The following THSD7B variants were observed in gnomAD, a reference collection of about 807,000 sequenced individuals.
THSD7B encodes the protein thrombospondin type 1 domain containing 7B.
A neutral mutation model predicts 213.6 loss-of-function variants in THSD7B; 138 were observed. The ratio of observed to expected loss-of-function variants is 0.65; its 90% confidence interval spans 0.56 to 0.74. The LOEUF (loss-of-function observed/expected upper bound fraction) is 0.74. THSD7B is among the 30% of genes least tolerant of loss of function. The probability of loss-of-function intolerance (pLI) is 0.00; values close to 1 mark genes in which losing one functional copy is unlikely to be tolerated. For synonymous variants in THSD7B, 742 were observed against 687.0 expected (o/e 1.08, Z -1.25); for missense variants, 1,931 against 1,991.5 (o/e 0.97, Z 0.58).
chr2:137,029,605 T>A (rs1686625388), intron 2 of THSD7B, among the ~76,000 whole-genome samples: 1 of 152,174 alleles, frequency 6.6e-6, no homozygotes, highest in Non-Finnish European at 1.5e-5. Context: ...ATTAATTCTC[T>A]TTGCCAACTA....
rs1318041586 is a variant in THSD7B, at chr2:137,591,377, T to C, written c.3423+18821T>C. On this transcript the variant is annotated intron_variant, in intron 17 of 27. Transcript: ENST00000409968. Reference sequence around the variant, plus strand: ...CTCTGACCTTAAATTTCACATGTAGTATTCTCATTTTCATTATGTCTACAA... The same window carrying C: ...CTCTGACCTTAAATTTCACATGTAGCATTCTCATTTTCATTATGTCTACAA... Among the ~76,000 whole-genome samples, 3 of 151,962 alleles carry C rather than the reference T, an allele frequency of 2.0e-5. No individual in the cohort carries two copies. In the South Asian group the frequency reaches 6.2e-4, roughly 32 times the overall value.
chr2:136,776,020 G>A (rs182150287), intron 1 of THSD7B, among the ~76,000 whole-genome samples: 1 of 152,238 alleles, frequency 6.6e-6, no homozygotes, highest in East Asian at 1.9e-4. Flanking sequence ...TGAAATATAT[G>A]TACTATGGTT....
At chr2:137,186,491 C>T (rs1361828378) in intron 7 of THSD7B, among the ~76,000 whole-genome samples, 4 of 151,952 alleles carry the variant, frequency 2.6e-5, no homozygotes, top group Non-Finnish European at 5.9e-5. Context: ...GAGTCCTTTC[C>T]TTATTGCTTT....
chr2:137,317,585 C>T lies in THSD7B; in HGVS notation c.2500+41559C>T, dbSNP rs747563470. 9.9e-5 allele frequency among the ~76,000 whole-genome samples: 15 copies of T among 152,120 alleles called. 1 individual carries two copies. The highest frequency in any genetic ancestry group is 1.8e-4 in the Non-Finnish European group (12 of 68,030). The stretch of plus-strand genomic sequence containing the variant: ...TCAACATAAACCAGTTTTACTAACT[C>T]ACAAAACGTGGGCTTTAAAAAGTAT... On this transcript the variant is annotated intron_variant, in intron 12 of 27. Coordinates refer to ENST00000409968, the MANE Select transcript of THSD7B (RefSeq NM_001316349.2).
intron 15 of THSD7B, among the ~76,000 whole-genome samples, chr2:137,471,595 A>T (rs1688096691): frequency 6.6e-6 from 1 of 151,986 alleles, no homozygotes. Flanking sequence ...CCTACTCCTC[A>T]GGTCTAGGGG....
At chr2:136,911,652 A>G (rs1684259798) in intron 2 of THSD7B, among the ~76,000 whole-genome samples, 1 of 152,240 alleles carries the variant, frequency 6.6e-6, no homozygotes, top group South Asian at 2.1e-4. Flanking sequence ...TGCCTGCTGT[A>G]TAGCAAGATT....
At chr2:137,299,178 G>C (rs1014930004) in intron 12 of THSD7B, among the ~76,000 whole-genome samples, 1 of 152,092 alleles carries the variant, frequency 6.6e-6, no homozygotes, top group Non-Finnish European at 1.5e-5. Context: ...AAGTCATTTT[G>C]GAGCTTTAAA....
chr2:137,593,331 A>T (rs1681900729), intron 17 of THSD7B, among the ~76,000 whole-genome samples: 1 of 151,972 alleles, frequency 6.6e-6, no homozygotes, highest in Non-Finnish European at 1.5e-5. Context: ...ATTAATTATT[A>T]GAAATTTTCA....
intron 5 of THSD7B, among the ~76,000 whole-genome samples, chr2:137,133,377 T>C (rs1048373615): frequency 3.9e-5 from 6 of 152,202 alleles, no homozygotes; most frequent in African/African-American, 1.2e-4. Context: ...TAAACTTCTT[T>C]ATTCAATAAA....
At chr2:137,252,927 T>TC (rs1481673508) in intron 10 of THSD7B, among the ~76,000 whole-genome samples, 1 of 150,720 alleles carries the variant, frequency 6.6e-6, no homozygotes, top group Admixed American at 6.6e-5. Flanking sequence ...TTTTTTTTTT[T>TC]TTTTTTTTTA....
At chr2:137,290,032 A>G (rs1485783972) in intron 12 of THSD7B, among the ~76,000 whole-genome samples, 1 of 152,046 alleles carries the variant, frequency 6.6e-6, no homozygotes, top group African/African-American at 2.4e-5. Context: ...CAATGTACAT[A>G]GAAACCTCTC....
At chr2:137,381,493 A>G (rs1573995301) in intron 12 of THSD7B, among the ~76,000 whole-genome samples, 1 of 152,184 alleles carries the variant, frequency 6.6e-6, no homozygotes, top group African/African-American at 2.4e-5. Flanking sequence ...TGGGGTGCCT[A>G]GAGGCCCGGC....
In THSD7B at chr2:137,031,438, A is replaced by T. The variant is rs560685917; in HGVS notation, c.140-24982A>T. 2.6e-4 allele frequency among the ~76,000 whole-genome samples: 39 copies of T among 152,232 alleles called. No individual in the cohort carries two copies. In the South Asian group the frequency reaches 7.9e-3, roughly 31 times the overall value. ...TGAGAGTAGTCTCTCATTTTTTGCT[A>T]GAGCCCATAGATTTTGTCACACTTT... On this transcript the variant is annotated intron_variant, in intron 2 of 27. Transcript: ENST00000409968.
intron 2 of THSD7B, among the ~76,000 whole-genome samples, chr2:137,021,772 C>A (rs1326889202): frequency 6.6e-6 from 1 of 152,174 alleles, no homozygotes; most frequent in Non-Finnish European, 1.5e-5. Flanking sequence ...TCCTGGCAAC[C>A]ACTAATCCGT....
intron 2 of THSD7B, among the ~76,000 whole-genome samples, chr2:136,940,043 C>T (rs1428918757): frequency 6.6e-6 from 1 of 152,110 alleles, no homozygotes; most frequent in Non-Finnish European, 1.5e-5. Flanking sequence ...AAACTAACCC[C>T]CAAATAAGTT....
At chr2:136,912,321 CAAAAAAAAAAAAAAA>C (rs1159184476) in intron 2 of THSD7B, among the ~76,000 whole-genome samples, 4 of 55,838 alleles carry the variant, frequency 7.2e-5, no homozygotes, top group African/African-American at 2.6e-4. Flanking sequence ...GACTCCATCT[CAAAAAAAAAAAAAAA>C]AAAAAAAAAA....
chr2:136,858,368 T>A (rs1180599211), intron 1 of THSD7B, among the ~76,000 whole-genome samples: 1 of 145,418 alleles, frequency 6.9e-6, no homozygotes, highest in Non-Finnish European at 1.5e-5. Context: ...CATGCTGACA[T>A]GTGGTTTATT....
At chr2:137,415,906 T>C (rs1411457508) in intron 14 of THSD7B, among the ~76,000 whole-genome samples, 1 of 152,058 alleles carries the variant, frequency 6.6e-6, no homozygotes, top group Non-Finnish European at 1.5e-5. Flanking sequence ...AACTGACACA[T>C]TATATATTTA....
At chr2:137,010,144 T>C (rs1300686571) in intron 2 of THSD7B, among the ~76,000 whole-genome samples, 6 of 152,202 alleles carry the variant, frequency 3.9e-5, no homozygotes, top group Non-Finnish European at 5.9e-5. Context: ...ACATCTTCAA[T>C]TGATTTTGAT....
Sources: gnomAD v4.1 joint callset for allele counts (sites outside exome capture counted in the v4.1 genomes callset) on GRCh38, gnomAD v4.1.1 for gene constraint, MANE v1.5 for transcripts, NCBI Gene and HGNC (gene_info 2026-07-23, HGNC 2026-07-21) for gene names.